Variants in TASOR2 observed in about 807,000 individuals in gnomAD.
The protein encoded by TASOR2 is transcription activation suppressor family member 2, also known as protein TASOR 2.
Under a neutral mutation model 199.5 loss-of-function variants are expected in TASOR2, and 84 were observed. That is an observed-to-expected ratio of 0.42 (90% CI 0.35 to 0.50). TASOR2 has a LOEUF of 0.50. Ranked by LOEUF, TASOR2 falls within the 20% of genes least tolerant of loss-of-function variation. The pLI, the probability that TASOR2 is intolerant of heterozygous loss-of-function variation, is 0.02. For synonymous variants in TASOR2, 1,103 were observed against 1,046.6 expected (o/e 1.05, Z -1.04); for missense variants, 2,796 against 2,835.9 (o/e 0.99, Z 0.32).
chr10:5,761,706 TA>T, intron 19 of TASOR2: 1 of 498,494 alleles, frequency 2.0e-6, no homozygotes, highest in Non-Finnish European at 3.6e-6. Flanking sequence ...TAATACTCAA[TA>T]CAGTATAAGT....
At chr10:5,746,028 C>G (rs1398760787) in intron 14 of TASOR2, 151 bp from the exon 16 acceptor site, 7 of 855,690 alleles carry the variant, frequency 8.2e-6, no homozygotes, top group Non-Finnish European at 1.2e-5. Flanking sequence ...TTGATTTGTA[C>G]CCTGTGATAT....
chr10:5,750,421 T>C lies in TASOR2; in HGVS notation c.6606+394T>C, dbSNP rs1006696286. Among the ~76,000 whole-genome samples, 1 of 152,210 alleles carries C rather than the reference T, an allele frequency of 6.6e-6. No individual in the cohort carries two copies. The highest frequency in any genetic ancestry group is 1.5e-5 in the Non-Finnish European group (1 of 68,038). On this transcript the variant is annotated intron_variant, in intron 15 of 20. Coordinates refer to ENST00000328090, the Ensembl canonical transcript of TASOR2. This position sits in a 1 kb window ranked among gnomAD's most constrained non-coding sequence, Gnocchi z 5.4. ...TTTTGGATATATTTTTAATTTGAAT[T>C]TGAATGTTAGGATAACTGATGTTAC...
At chr10:5,735,007 G>A (rs1349528560) in intron 11 of TASOR2, among the ~76,000 whole-genome samples, 1 of 151,586 alleles carries the variant, frequency 6.6e-6, no homozygotes, top group East Asian at 1.9e-4. Flanking sequence ...AGTTTTGTTT[G>A]TTTGTTTGTT....
intron 1 of TASOR2, among the ~76,000 whole-genome samples, chr10:5,696,548 G>T (rs1301870536): frequency 6.6e-6 from 1 of 152,084 alleles, no homozygotes; most frequent in Non-Finnish European, 1.5e-5. Context: ...GTAGAGATGG[G>T]GTCTCACTAT....
At chr10:5,709,017 T>A (rs901007001) in intron 1 of TASOR2, among the ~76,000 whole-genome samples, 3 of 152,186 alleles carry the variant, frequency 2.0e-5, no homozygotes, top group South Asian at 4.1e-4. Context: ...TGAACTTTTT[T>A]AATGTAGAGC....
chr10:5,738,895 G>T lies in TASOR2; in HGVS notation c.1448-723G>T, dbSNP rs1258923512. On this transcript the variant is annotated intron_variant, in intron 12 of 20. Transcript: ENST00000328090. The surrounding 1 kb of genome is among the most constrained non-coding windows in gnomAD (Gnocchi z 4.7). ...TGTTCTGATTAAGGGCATATGGATA[G>T]ATTTGATTATCTGTAAAAGGGAACA... Among the ~76,000 whole-genome samples the T allele has an allele frequency of 6.6e-6, 1 of 152,192 alleles. No individual in the cohort carries two copies. The highest frequency in any genetic ancestry group is 1.9e-4 in the East Asian group (1 of 5,200).
rs947867275 is a variant in TASOR2 at position 5,690,365 on chromosome 10, T to G, written c.-288+5190T>G. Among the ~76,000 whole-genome samples, 2 of 152,238 alleles carry G rather than the reference T, an allele frequency of 1.3e-5. No homozygotes were observed. The highest frequency in any genetic ancestry group is 2.9e-5 in the Non-Finnish European group (2 of 68,038). On this transcript the variant is annotated intron_variant, in intron 1 of 20. Transcript: ENST00000328090. The surrounding 1 kb of genome is among the most constrained non-coding windows in gnomAD (Gnocchi z 4.8). ...TTTGTATAAAGATTCACTACCCTCC[T>G]TGGCATGGTGAAATAGACCCTGTTT...
At chr10:5,735,955 A>G (rs949634257) in intron 12 of TASOR2, among the ~76,000 whole-genome samples, 1 of 152,196 alleles carries the variant, frequency 6.6e-6, no homozygotes, top group Non-Finnish European at 1.5e-5. Context: ...ACTGTCAGTA[A>G]TCCAGAATCC....
intron 1 of TASOR2, among the ~76,000 whole-genome samples, chr10:5,688,735 G>A (rs940948917): frequency 6.6e-6 from 1 of 151,958 alleles, no homozygotes; most frequent in Non-Finnish European, 1.5e-5. Flanking sequence ...GGTTGGGTGC[G>A]TGGGCTCATG....
In TASOR2 at chr10:5,685,127, C is replaced by T. The variant is rs1296400137; in HGVS notation, c.-336C>T. 11 of 398,132 alleles carry T rather than the reference C, an allele frequency of 2.8e-5. No individual in the cohort carries two copies. The highest frequency in any genetic ancestry group is 4.9e-5 in the Non-Finnish European group (11 of 225,708). The allele number at this position is 398,132 out of a possible 1,614,324, so 24.7% of individuals were successfully genotyped here. A position where few individuals can be genotyped will look rare whatever the true frequency, so the allele number is the denominator to read the frequency against. ...GGCCGGGAGAAGCATGGGAAGGAGG[C>T]CGAGCCGGGATCTCAGGTCCTCGGG... is the stretch of plus-strand genomic sequence containing the variant. On this transcript the variant is annotated 5_prime_UTR_variant, in exon 1 of 21. Transcript: ENST00000328090. The surrounding 1 kb of genome is among the most constrained non-coding windows in gnomAD (Gnocchi z 5.4).
chr10:5,746,752 C>A, exon 15 of TASOR2: 1 of 1,614,108 alleles, frequency 6.2e-7, no homozygotes, highest in South Asian at 1.1e-5. Context: ...GAGGGACATT[C>A]CCTCTCTAGT....
chr10:5,720,150 T>A lies in TASOR2; in HGVS notation c.-99-394T>A, dbSNP rs1246480052. 4.7e-6 allele frequency: 2 copies of A among 427,164 alleles called. No individual in the cohort carries two copies. Among genetic ancestry groups the A allele is most frequent in the Non-Finnish European group, 6.2e-6 (2 of 320,194 alleles). 26.5% of individuals were successfully genotyped at this position (427,164 alleles called of 1,614,324 possible). On this transcript the variant is annotated intron_variant, in intron 3 of 20. Coordinates refer to ENST00000328090, the Ensembl canonical transcript of TASOR2. The surrounding 1 kb of genome is among the most constrained non-coding windows in gnomAD (Gnocchi z 5.3). ...GAAGTATAGTTCTTAATACAGTTACTGTTAGGGGACACATATCTGCATCCT... is the reference window on the plus strand; with the variant it reads ...GAAGTATAGTTCTTAATACAGTTACAGTTAGGGGACACATATCTGCATCCT...
Position 5,748,662 on chromosome 10 carries a change from C to G in TASOR2, c.5241C>G (p.Val1747=), listed in dbSNP as rs554703711. 4 of 1,614,246 alleles carry G rather than the reference C, an allele frequency of 2.5e-6. No individual in the cohort carries two copies. In the East Asian group the frequency reaches 8.9e-5, roughly 36 times the overall value. The stretch of plus-strand genomic sequence containing the variant: ...GTGAAACAAAGGAGCTATTGAATGT[C>G]GGGGTTTCCTCCCTTTGTGCTGGTC... Residue 1747 remains valine, a synonymous_variant, in exon 15 of 21, where the codon GTC becomes GTG. Coordinates refer to ENST00000328090, the Ensembl canonical transcript of TASOR2. This position sits in a 1 kb window ranked among gnomAD's most constrained non-coding sequence, Gnocchi z 5.1.
At chr10:5,757,315 T>C (rs913121028) in intron 16 of TASOR2, among the ~76,000 whole-genome samples, 1 of 152,170 alleles carries the variant, frequency 6.6e-6, no homozygotes, top group African/African-American at 2.4e-5. Flanking sequence ...TTTAATGAAC[T>C]AATTTTGTTG....
Position 5,750,104 on chromosome 10 carries a change from G to GCCAT in TASOR2, c.6606+79_6606+82dup. 7.0e-7 allele frequency: 1 copy of GCCAT among 1,434,362 alleles called. No individual in the cohort carries two copies. The highest frequency in any genetic ancestry group is 2.5e-5 in the Admixed American group (1 of 39,280). The allele number at this position is 1,434,362 out of a possible 1,614,324, so 88.9% of individuals were successfully genotyped here. On this transcript the variant is annotated intron_variant, in intron 15 of 20. Transcript: ENST00000328090. The surrounding 1 kb of genome is among the most constrained non-coding windows in gnomAD (Gnocchi z 5.4). Reference sequence around the variant, plus strand: ...TAGAAATAATAAATTTAGCATATTAGCCATCAAAAAGAAATCATGGTATGA... The same window carrying GCCAT: ...TAGAAATAATAAATTTAGCATATTAGCCATCCATCAAAAAGAAATCATGGTATGA...
exon 20 of TASOR2, chr10:5,762,608 C>T: frequency 7.1e-7 from 1 of 1,412,572 alleles, no homozygotes; most frequent in Non-Finnish European, 9.5e-7. Flanking sequence ...TTATAGAAAA[C>T]ATAGAAAAAA....
In TASOR2 at chr10:5,740,376, G is replaced by A; in HGVS notation, c.2206G>A (p.Val736Met). 6.2e-7 allele frequency: 1 copy of A among 1,614,202 alleles called. No homozygotes were observed. Residue 736 changes from valine (V) to methionine (M), a missense_variant, in exon 13 of 21, where the codon GTG becomes ATG. Coordinates refer to ENST00000328090, the Ensembl canonical transcript of TASOR2. The surrounding 1 kb of genome is among the most constrained non-coding windows in gnomAD (Gnocchi z 5.3). Reference sequence around the variant, plus strand: ...GAAAAAATCTTCTTGCTCTCGTATAGTGCTTAGCTGTGATGACTCCGTTAA... The same window carrying A: ...GAAAAAATCTTCTTGCTCTCGTATAATGCTTAGCTGTGATGACTCCGTTAA...
In TASOR2 at chr10:5,699,595, G is replaced by T. The variant is rs1837556724; in HGVS notation, c.-287-13228G>T. ...AGAAGAAATACAAGAACTCAAGGAA[G>T]AGACAGCCAGACAACAGTAGAGTGT... On this transcript the variant is annotated intron_variant, in intron 1 of 20. Transcript: ENST00000328090. This position sits in a 1 kb window ranked among gnomAD's most constrained non-coding sequence, Gnocchi z 4.1. 6.5e-6 allele frequency: 1 copy of T among 153,528 alleles called. No individual in the cohort carries two copies. Among genetic ancestry groups the T allele is most frequent in the South Asian group, 2.1e-4 (1 of 4,854 alleles). 9.5% of individuals were successfully genotyped at this position (153,528 alleles called of 1,614,324 possible). A position where few individuals can be genotyped will look rare whatever the true frequency, so the allele number is the denominator to read the frequency against.
chr10:5,736,982 A>G (rs2797484), intron 12 of TASOR2, among the ~76,000 whole-genome samples: 132,687 of 152,190 alleles, frequency 0.87, 57,897 homozygotes, highest in Admixed American at 0.89. Context: ...TTGTTTTGAG[A>G]TAGAATCTCA....
Sources: gnomAD v4.1 joint callset for allele counts (sites outside exome capture counted in the v4.1 genomes callset) on GRCh38, gnomAD v4.1.1 for gene constraint, Gnocchi (gnomAD v3.1) non-coding constraint, MANE v1.5 for transcripts, NCBI Gene and HGNC (gene_info 2026-07-23, HGNC 2026-07-21) for gene names.